Variants in TRIM67 observed in about 807,000 individuals in gnomAD.
TRIM67 encodes the protein tripartite motif-containing protein 67.
A neutral mutation model predicts 71.0 loss-of-function variants in TRIM67; 39 were observed. The observed-to-expected ratio is 0.55, with a 90% CI of 0.43 to 0.72. TRIM67 has a LOEUF of 0.72. Among genes scored for constraint, TRIM67 ranks in the 30% least tolerant of loss-of-function variants. The pLI is 0.00. For missense variants in TRIM67, 973 were observed against 1,079.2 expected, an observed-to-expected ratio of 0.90 and a Z score of 1.38; for synonymous variants, 481 against 473.9, an observed-to-expected ratio of 1.01 and a Z score of -0.19.
intron 5 of TRIM67, among the ~76,000 whole-genome samples, chr1:231,202,349 C>T (rs887392230): frequency 1.3e-5 from 2 of 151,298 alleles, no homozygotes; most frequent in Admixed American, 1.3e-4. Flanking sequence ...AGAATCTAGG[C>T]GAAGAGTTTT....
At chr1:231,174,798 T>C (rs1054178712) in intron 1 of TRIM67, among the ~76,000 whole-genome samples, 18 of 152,224 alleles carry the variant, frequency 1.2e-4, no homozygotes, top group Admixed American at 2.0e-4. Flanking sequence ...TCTTTTTAAG[T>C]TATGCTTTCT....
chr1:231,202,121 G>GGCT (rs1317827238), intron 5 of TRIM67, among the ~76,000 whole-genome samples: 1 of 84,644 alleles, frequency 1.2e-5, no homozygotes, highest in Non-Finnish European at 2.5e-5. Flanking sequence ...AGGTAATGGT[G>GGCT]GAGGAGGAGA....
At chr1:231,176,104 T>A (rs1250998918) in intron 1 of TRIM67, among the ~76,000 whole-genome samples, 2 of 152,186 alleles carry the variant, frequency 1.3e-5, no homozygotes, top group Non-Finnish European at 2.9e-5. Context: ...CCTTCCAGGA[T>A]GTGAAGGAGA....
Position 231,163,686 on chromosome 1 carries a change from T to C in TRIM67, c.717T>C (p.His239=). 6.6e-7 allele frequency: 1 copy of C among 1,512,480 alleles called. No individual in the cohort carries two copies. Among genetic ancestry groups the C allele is most frequent in the Non-Finnish European group, 8.8e-7 (1 of 1,131,880 alleles). The allele number at this position is 1,512,480 out of a possible 1,614,324, so 93.7% of individuals were successfully genotyped here. A position where few individuals can be genotyped will look rare whatever the true frequency, so the allele number is the denominator to read the frequency against. ...GCTCTGCCTGCCAGCTCAAGTGCCA[T>C]CCATCCCGGGGACCCTTCGCCAAGC... ...LYCSACQLKC[H]PSRGPFAKHR... Residue 239 remains histidine (H), a synonymous_variant, in exon 1 of 10, where the codon CAT becomes CAC. Transcript: ENST00000366653.
intron 6 of TRIM67, among the ~76,000 whole-genome samples, chr1:231,205,096 GA>G (rs1683659024): frequency 6.6e-6 from 1 of 152,174 alleles, no homozygotes; most frequent in Non-Finnish European, 1.5e-5. Flanking sequence ...TTTGAAATGG[GA>G]AGAAAGAAAA....
At chr1:231,172,504 G>T (rs1329611044) in intron 1 of TRIM67, among the ~76,000 whole-genome samples, 2 of 152,176 alleles carry the variant, frequency 1.3e-5, no homozygotes, top group Non-Finnish European at 1.5e-5. Flanking sequence ...GTGGAGGAGA[G>T]AGAGGGTGTG....
chr1:231,180,707 A>G (rs1285814861), intron 1 of TRIM67, among the ~76,000 whole-genome samples: 3 of 152,224 alleles, frequency 2.0e-5, no homozygotes, highest in Non-Finnish European at 4.4e-5. Context: ...TAGGCAATAA[A>G]ATCCCTAACA....
intron 8 of TRIM67, among the ~76,000 whole-genome samples, chr1:231,210,926 AG>A (rs919438490): frequency 4.7e-5 from 7 of 149,446 alleles, no homozygotes; most frequent in Admixed American, 4.0e-4. Flanking sequence ...GTGTACCTGT[AG>A]TTTCAGCTAC....
intron 1 of TRIM67, among the ~76,000 whole-genome samples, chr1:231,194,613 A>G (rs531303419): frequency 6.6e-6 from 1 of 152,318 alleles, no homozygotes; most frequent in South Asian, 2.1e-4. Context: ...TTCATTGGCT[A>G]CAGATGACAA....
chr1:231,188,681 T>C (rs1197714821), intron 1 of TRIM67, among the ~76,000 whole-genome samples: 2 of 152,164 alleles, frequency 1.3e-5, no homozygotes, highest in Non-Finnish European at 2.9e-5. Context: ...TTACTTCCCC[T>C]CTCGAGCCCA....
At chr1:231,195,828 C>T (rs1012046398) in intron 1 of TRIM67, among the ~76,000 whole-genome samples, 1 of 152,232 alleles carries the variant, frequency 6.6e-6, no homozygotes, top group Non-Finnish European at 1.5e-5. Context: ...TCACCCACGA[C>T]CTCTGATCAG....
At chr1:231,191,180 C>T (rs1286022807) in intron 1 of TRIM67, among the ~76,000 whole-genome samples, 1 of 152,232 alleles carries the variant, frequency 6.6e-6, no homozygotes, top group Admixed American at 6.5e-5. Flanking sequence ...CCTTCCACCT[C>T]AGCCTCCTGA....
intron 1 of TRIM67, among the ~76,000 whole-genome samples, chr1:231,165,154 G>A (rs1458457932): frequency 6.6e-6 from 1 of 152,138 alleles, no homozygotes; most frequent in African/African-American, 2.4e-5. Flanking sequence ...AGGTGCCACT[G>A]GAATCTAGTG....
rs1452750707 is a variant in TRIM67, at chr1:231,217,611, C to T, written c.*2171C>T. ...TCTGAAAAAAAAACAGGCCTACACC[C>T]TGCCCCCAGAATGAGAGTGGGCTAG... On this transcript the variant is annotated 3_prime_UTR_variant, in exon 10 of 10. Transcript: ENST00000366653. The T allele has an allele frequency of 4.2e-5, 47 of 1,121,328 alleles. No homozygotes were observed. Among genetic ancestry groups the T allele is most frequent in the East Asian group, 6.4e-5 (1 of 15,554 alleles). 69.5% of individuals were successfully genotyped at this position (1,121,328 alleles called of 1,614,324 possible).
intron 4 of TRIM67, 136 bp from the exon 5 acceptor site, chr1:231,201,222 T>A (rs1464291580): frequency 2.2e-5 from 19 of 853,614 alleles, no homozygotes. Context: ...TCATTTAATC[T>A]CTGCCATGGC....
intron 1 of TRIM67, among the ~76,000 whole-genome samples, chr1:231,193,503 G>GCTCGCTCTCTCTCTCTCTCTCT (rs1553325672): frequency 1.2e-5 from 1 of 81,946 alleles, no homozygotes; most frequent in Non-Finnish European, 2.3e-5. Flanking sequence ...TCTCTCTCAA[G>GCTCGCTCTCTCTCTCTCTCTCT]CTCTCTCTCT....
intron 2 of TRIM67, among the ~76,000 whole-genome samples, chr1:231,198,762 CT>C (rs370812293): frequency 1.1e-4 from 16 of 152,248 alleles, no homozygotes; most frequent in Admixed American, 3.3e-4. Flanking sequence ...TGTATCCTGA[CT>C]TTTTTTCTTT....
Position 231,215,408 on chromosome 1 carries a change from A to AACCTGG in TRIM67, c.2321_2326dup (p.Leu775_Gly776insAspLeu). On this transcript the variant is annotated inframe_insertion, in exon 10 of 10. Coordinates refer to ENST00000366653, the MANE Select transcript of TRIM67 (RefSeq NM_001004342.5). The stretch of plus-strand genomic sequence containing the variant: ...GCACACAGGATTGGAAGTGCCGACT[A>AACCTGG]ACCTGGGGCGGCCAAAGCTGTCAGG... 6.2e-7 allele frequency: 1 copy of AACCTGG among 1,612,478 alleles called. No homozygotes were observed. Among genetic ancestry groups the AACCTGG allele is most frequent in the Non-Finnish European group, 8.5e-7 (1 of 1,178,980 alleles).
In TRIM67 at chr1:231,213,896, C is replaced by A; in HGVS notation, c.2205C>A (p.Asn735Lys). 6.2e-7 allele frequency: 1 copy of A among 1,613,746 alleles called. No individual in the cohort carries two copies. Among genetic ancestry groups the A allele is most frequent in the African/African-American group, 1.3e-5 (1 of 75,034 alleles). Residue 735 changes from asparagine (N) to lysine (K), a missense_variant, in exon 9 of 10, where the codon AAC (asparagine) becomes AAA (lysine). Physicochemically the swap from Asn to Lys is moderately conservative, Grantham distance 94 (BLOSUM62 0). This residue lies in a region of TRIM67 where 178 missense variants were observed against 247.9 expected (regional missense o/e 0.72). Transcript: ENST00000366653. ...AGCACACTCTCACCTTCTTCATCAA[C>A]GGGCAGCAGCAGGGCCCCACAGCCT... ...LNKHTLTFFI[N>K]GQQQGPTAFS...
Sources: allele counts gnomAD v4.1 joint callset (sites outside exome capture counted in the v4.1 genomes callset), GRCh38; gene constraint gnomAD v4.1.1; regional missense constraint gnomAD v4.1.1; transcripts MANE v1.5; gene names NCBI Gene and HGNC (gene_info 2026-07-23, HGNC 2026-07-21).